The following TRIP13 variants were observed in gnomAD, a reference collection of about 807,000 sequenced individuals.
TRIP13 encodes pachytene checkpoint protein 2 homolog.
A neutral mutation model predicts 54.4 loss-of-function variants in TRIP13; 25 were observed. The observed-to-expected ratio is 0.46, with a 90% confidence interval of 0.33 to 0.64. TRIP13 has a LOEUF of 0.64. Among genes scored for constraint, TRIP13 ranks in the 30% least tolerant of loss-of-function variants. The probability of loss-of-function intolerance (pLI) is 0.02; values close to 1 mark genes in which losing one functional copy is unlikely to be tolerated. For missense variants in TRIP13, 373 were observed against 534.2 expected, an observed-to-expected ratio of 0.70 and a Z score of 2.97; for synonymous variants, 207 against 207.8, an observed-to-expected ratio of 1.00 and a Z score of 0.03.
intron 5 of TRIP13, 138 bp downstream of exon 5, chr5:901,569 G>C: frequency 1.4e-6 from 1 of 717,080 alleles, no homozygotes; most frequent in Non-Finnish European, 2.3e-6. Context: ...TCCCCTCTCT[G>C]TGAAGCAGAT....
At position 912,399 on chromosome 5, in the gene TRIP13, G is replaced by A. The variant is rs1022682728; in HGVS notation, c.1020+403G>A. 6.6e-6 allele frequency among the ~76,000 whole-genome samples: 1 copy of A among 152,090 alleles called. No homozygotes were observed. The highest frequency in any genetic ancestry group is 2.4e-5 in the African/African-American group (1 of 41,420). ...ACATCACGGGCGTAGTATGGGCCTG[G>A]TTTTGGTCACGGGGTCCACATGACG... On this transcript the variant is annotated intron_variant, in intron 10 of 12. Transcript: ENST00000166345. This position sits in a 1 kb window ranked among gnomAD's most constrained non-coding sequence, Gnocchi z 7.2.
Position 901,470 on chromosome 5 carries a change from A to G in TRIP13, c.535+39A>G, listed in dbSNP as rs371178266. ...GCTTTTATTTGACCAGATAAGTGGC[A>G]TGAAATTTAGCCTTTACTTGTACCT... On this transcript the variant is annotated intron_variant, in intron 5 of 12. Coordinates refer to ENST00000166345, the MANE Select transcript of TRIP13 (RefSeq NM_004237.4). The G allele has an allele frequency of 3.2e-4, 512 of 1,598,506 alleles. 4 individuals carry two copies. Among genetic ancestry groups the G allele is most frequent in the South Asian group, 2.7e-3 (241 of 89,074 alleles).
In TRIP13 at chr5:912,035, T is replaced by G; in HGVS notation, c.1020+39T>G. The stretch of plus-strand genomic sequence containing the variant: ...TTTTTTCCTCTTGATACAAATGGAT[T>G]TCTTATATGTTCTTAATTAATTAAG... On this transcript the variant is annotated intron_variant, in intron 10 of 12. Coordinates refer to ENST00000166345, the MANE Select transcript of TRIP13 (RefSeq NM_004237.4). The surrounding 1 kb of genome is among the most constrained non-coding windows in gnomAD (Gnocchi z 7.2). 1 of 1,584,600 alleles carries G rather than the reference T, an allele frequency of 6.3e-7. No homozygotes were observed. The highest frequency in any genetic ancestry group is 8.6e-7 in the Non-Finnish European group (1 of 1,168,380).
At chr5:895,283 G>A (rs1472170657) in intron 2 of TRIP13, among the ~76,000 whole-genome samples, 2 of 152,218 alleles carry the variant, frequency 1.3e-5, no homozygotes, top group African/African-American at 4.8e-5. Flanking sequence ...TGCTCAGTGT[G>A]TGCTAGGACC....
intron 9 of TRIP13, among the ~76,000 whole-genome samples, chr5:909,939 TA>T (rs1281951680): frequency 1.8e-4 from 28 of 152,226 alleles, no homozygotes; most frequent in Non-Finnish European, 3.5e-4. Flanking sequence ...GACAACCTTC[TA>T]GTGTGGGCGT....
chr5:915,765 GA>G lies in TRIP13; in HGVS notation c.1134-137del. Reference sequence around the variant, plus strand: ...GGCTCAGGAGACCAGTGAGGGGCAGGAAGTGCCCTGTGAACCCAGGGTGTGC... The same window carrying G: ...GGCTCAGGAGACCAGTGAGGGGCAGGAGTGCCCTGTGAACCCAGGGTGTGC... On this transcript the variant is annotated intron_variant, in intron 11 of 12. Coordinates refer to ENST00000166345, the MANE Select transcript of TRIP13 (RefSeq NM_004237.4). This position sits in a 1 kb window ranked among gnomAD's most constrained non-coding sequence, Gnocchi z 4.2. 1.2e-6 allele frequency: 1 copy of G among 817,606 alleles called. No homozygotes were observed. Among genetic ancestry groups the G allele is most frequent in the Non-Finnish European group, 2.1e-6 (1 of 478,816 alleles). 50.6% of individuals were successfully genotyped at this position (817,606 alleles called of 1,614,324 possible).
At chr5:900,363 G>A in intron 3 of TRIP13, 131 bp from the exon 4 acceptor site, 1 of 857,760 alleles carries the variant, frequency 1.2e-6, no homozygotes, top group East Asian at 2.8e-5. Context: ...ATACTTTCCT[G>A]TAATCAGAAT....
At position 894,998 on chromosome 5, in the gene TRIP13, A is replaced by G. The variant is rs757876366; in HGVS notation, c.258+46A>G. The G allele has an allele frequency of 8.0e-6, 12 of 1,490,694 alleles. No homozygotes were observed. In the East Asian group the frequency reaches 2.7e-4, roughly 34 times the overall value. 92.3% of individuals were successfully genotyped at this position (1,490,694 alleles called of 1,614,324 possible). On this transcript the variant is annotated intron_variant, in intron 2 of 12. Coordinates refer to ENST00000166345, the MANE Select transcript of TRIP13 (RefSeq NM_004237.4). ...GCCAAGGAACAGTTAGCTGAATACA[A>G]AAGGTTGTATCATGAATGTCTTGCC...
intron 6 of TRIP13, among the ~76,000 whole-genome samples, chr5:905,076 AGT>A (rs58921913): frequency 0.03 from 4,596 of 152,050 alleles, 217 homozygotes; most frequent in African/African-American, 0.1. Flanking sequence ...TCCTTTAGTG[AGT>A]GTTAGATTTT....
At position 908,316 on chromosome 5, in the gene TRIP13, G is replaced by C. The variant is rs533157111; in HGVS notation, c.760-39G>C. 6.2e-6 allele frequency: 10 copies of C among 1,602,322 alleles called. No homozygotes were observed. In the African/African-American group the frequency reaches 6.7e-5, roughly 11 times the overall value. Reference sequence around the variant, plus strand: ...CCCCATAGCTGCCTGTGAAGTGCCAGGCCCTGTCCTTTTTGACCCCACTGC... The same window carrying C: ...CCCCATAGCTGCCTGTGAAGTGCCACGCCCTGTCCTTTTTGACCCCACTGC... On this transcript the variant is annotated intron_variant, in intron 8 of 12. Transcript: ENST00000166345. The surrounding 1 kb of genome is among the most constrained non-coding windows in gnomAD (Gnocchi z 5.2).
chr5:894,660 C>A, intron 1 of TRIP13, 127 bp from the exon 2 acceptor site: 1 of 1,134,254 alleles, frequency 8.8e-7, no homozygotes, highest in Non-Finnish European at 1.2e-6. Flanking sequence ...CCAGGCAGGC[C>A]AACTCCAACT....
Position 907,518 on chromosome 5 carries a change from C to G in TRIP13, c.672+325C>G, listed in dbSNP as rs1754140432. On this transcript the variant is annotated intron_variant, in intron 7 of 12. Coordinates refer to ENST00000166345, the MANE Select transcript of TRIP13 (RefSeq NM_004237.4). This position sits in a 1 kb window ranked among gnomAD's most constrained non-coding sequence, Gnocchi z 4.1. ...AGCACTGTCTGTGAGTTGAGGGGGT[C>G]AGACAAGGTGATGTCACATGTGATT... is the stretch of plus-strand genomic sequence containing the variant. Among the ~76,000 whole-genome samples the G allele has an allele frequency of 1.3e-5, 2 of 152,206 alleles. No individual in the cohort carries two copies. Among genetic ancestry groups the G allele is most frequent in the Admixed American group, 1.3e-4 (2 of 15,282 alleles).
In TRIP13 at chr5:901,916, C is replaced by T. The variant is rs191334407; in HGVS notation, c.535+485C>T. ...GGGATTACAGGCTTGAGCCACCGCG[C>T]GCGGCCCCTGGGGCATTGATTACTC... On this transcript the variant is annotated intron_variant, in intron 5 of 12. Coordinates refer to ENST00000166345, the MANE Select transcript of TRIP13 (RefSeq NM_004237.4). Among the ~76,000 whole-genome samples the T allele has an allele frequency of 2.1e-3, 320 of 152,328 alleles. 2 individuals carry two copies. Among genetic ancestry groups the T allele is most frequent in the African/African-American group, 7.2e-3 (299 of 41,570 alleles).
Position 901,332 on chromosome 5 carries a change from C to G in TRIP13, c.445-9C>G. On this transcript the variant is annotated splice_polypyrimidine_tract_variant and intron_variant, in intron 4 of 12. Transcript: ENST00000166345. ...ATCTTTGTCAAGCTCTTTTCTTTTT[C>G]TCTATCAGCTCCTCGATTATGTGAT... 6.2e-7 allele frequency: 1 copy of G among 1,611,918 alleles called. No individual in the cohort carries two copies.
chr5:908,033 A>G lies in TRIP13; in HGVS notation c.718A>G (p.Ile240Val). The G allele has an allele frequency of 6.2e-7, 1 of 1,614,208 alleles. No individual in the cohort carries two copies. Among genetic ancestry groups the G allele is most frequent in the Non-Finnish European group, 8.5e-7 (1 of 1,180,044 alleles). ...GATGTTTCAGAAGATTCAGGATTTG[A>G]TTGATGATAAAGACGCCCTGGTGTT... is the stretch of plus-strand genomic sequence containing the variant. ...TKMFQKIQDL[I>V]DDKDALVFVL... Residue 240 changes from isoleucine (I) to valine (V), a missense_variant, in exon 8 of 13, where the codon ATT becomes GTT. Physicochemically the swap from Ile to Val is conservative, Grantham distance 29. Coordinates refer to ENST00000166345, the MANE Select transcript of TRIP13 (RefSeq NM_004237.4). The surrounding 1 kb of genome is among the most constrained non-coding windows in gnomAD (Gnocchi z 5.2).
In TRIP13 at chr5:914,443, G is replaced by C. The variant is rs779836362; in HGVS notation, c.1021-22G>C. On this transcript the variant is annotated intron_variant, in intron 10 of 12. Transcript: ENST00000166345. ...CAGGCCTCTGTGGACTCAGCTAACCGCCTGTACTTCTGTCTCCCCAGTGTC... is the reference window on the plus strand; with the variant it reads ...CAGGCCTCTGTGGACTCAGCTAACCCCCTGTACTTCTGTCTCCCCAGTGTC... The C allele has an allele frequency of 2.5e-6, 4 of 1,589,106 alleles. No homozygotes were observed. The African/African-American group carries it at 5.4e-5, about 21-fold the overall frequency.
chr5:904,962 G>A (rs1056646287), intron 6 of TRIP13, among the ~76,000 whole-genome samples: 1 of 152,016 alleles, frequency 6.6e-6, no homozygotes, highest in Non-Finnish European at 1.5e-5. Context: ...CTATTGACTG[G>A]TTTTTCTTCT....
In TRIP13 at chr5:893,110, C is replaced by G. The variant is rs1753715459; in HGVS notation, c.92+20C>G. The G allele has an allele frequency of 6.4e-7, 1 of 1,570,920 alleles. No individual in the cohort carries two copies. The highest frequency in any genetic ancestry group is 1.2e-5 in the South Asian group (1 of 86,380). On this transcript the variant is annotated intron_variant, in intron 1 of 12. Transcript: ENST00000166345. ...CAGCAGGTGAGCCGGACCTGTCCGA[C>G]ACATCCTCTGGGCACCCACCCGCCC...
intron 5 of TRIP13, among the ~76,000 whole-genome samples, chr5:902,705 C>G (rs1754018799): frequency 6.6e-6 from 1 of 152,180 alleles, no homozygotes; most frequent in Non-Finnish European, 1.5e-5. Flanking sequence ...GGACCACTAC[C>G]ACCAAGACGC....
Sources: allele counts gnomAD v4.1 joint callset (sites outside exome capture counted in the v4.1 genomes callset), GRCh38; gene constraint gnomAD v4.1.1; non-coding constraint Gnocchi (gnomAD v3.1); transcripts MANE v1.5; gene names NCBI Gene and HGNC (gene_info 2026-07-23, HGNC 2026-07-21).